Variants in CACNG7 observed in about 807,000 individuals in gnomAD.
The protein encoded by CACNG7 is voltage-dependent calcium channel gamma-7 subunit.
CACNG7 carries 9 observed loss-of-function variants against 26.3 expected under a neutral mutation model. The observed-to-expected ratio is 0.34, with a 90% CI of 0.21 to 0.60. The LOEUF (loss-of-function observed/expected upper bound fraction) is 0.60, where lower values mean the gene tolerates loss of function less well. CACNG7 is among the 20% of genes least tolerant of loss of function. CACNG7 has a pLI of 0.81. For missense variants in CACNG7, 297 were observed against 380.4 expected (o/e 0.78, Z 1.82); for synonymous variants, 170 against 157.0 (o/e 1.08, Z -0.62).
chr19:53,923,825 TCTGGTCATTGGTGGAGTTGCCC>T lies in CACNG7; in HGVS notation c.424+8322_424+8343del, dbSNP rs2068992196. Reference sequence around the variant, plus strand: ...TGGTCATTGGTGGAGTTGCCCCAGGTCTGGTCATTGGTGGAGTTGCCCCAGGCCTGGTCATTGGTGGAGTTGC... The same window carrying T: ...TGGTCATTGGTGGAGTTGCCCCAGGTCAGGCCTGGTCATTGGTGGAGTTGC... On this transcript the variant is annotated intron_variant, in intron 4 of 5. Coordinates refer to ENST00000391767, the MANE Select transcript of CACNG7 (RefSeq NM_031896.5). Among the ~76,000 whole-genome samples the T allele has an allele frequency of 1.7e-4, 8 of 45,764 alleles. No homozygotes were observed. In the African/African-American group the frequency reaches 1.8e-3, roughly 10 times the overall value. The allele number at this position is 45,764 out of a possible 152,430, so 30.0% of individuals were successfully genotyped here.
At position 53,942,510 on chromosome 19, in the gene CACNG7, T is replaced by C. The variant is rs1600006716; in HGVS notation, c.*217T>C. On this transcript the variant is annotated 3_prime_UTR_variant, in exon 6 of 6. Transcript: ENST00000391767. This position sits in a 1 kb window ranked among gnomAD's most constrained non-coding sequence, Gnocchi z 5.9. ...TTTCCCGACCTCTCCTTTTCATTGG[T>C]CCCTCTCACTCCCAAATGACTCCTC... is the stretch of plus-strand genomic sequence containing the variant. 3.5e-6 allele frequency: 5 copies of C among 1,412,444 alleles called. No homozygotes were observed. The highest frequency in any genetic ancestry group is 4.6e-6 in the Non-Finnish European group (5 of 1,087,258). The allele number at this position is 1,412,444 out of a possible 1,614,324, so 87.5% of individuals were successfully genotyped here. A position where few individuals can be genotyped will look rare whatever the true frequency, so the allele number is the denominator to read the frequency against.
At chr19:53,924,760 G>GC (rs1169338837) in intron 4 of CACNG7, among the ~76,000 whole-genome samples, 6 of 147,114 alleles carry the variant, frequency 4.1e-5, no homozygotes, top group South Asian at 2.2e-4. Flanking sequence ...TGGTGGACTT[G>GC]CCTAGGGCTG....
chr19:53,915,480 C>A lies in CACNG7; in HGVS notation c.399C>A (p.Val133=), dbSNP rs758875080. ...IRPQRTILAF[V]SGIFFILSGL... ...CGCAGAGGACCATTCTGGCTTTTGT[C>A]TCTGGCATCTTCTTCATACTATCGG... The change falls in exon 4 of 6, where the codon GTC becomes GTA. Residue 133 remains valine (V), a synonymous_variant. Transcript: ENST00000391767. The A allele has an allele frequency of 2.5e-6, 4 of 1,614,150 alleles. No homozygotes were observed. In the South Asian group the frequency reaches 4.4e-5, roughly 18 times the overall value.
intron 4 of CACNG7, among the ~76,000 whole-genome samples, chr19:53,938,207 G>T (rs1466455204): frequency 2.0e-5 from 3 of 152,078 alleles, no homozygotes; most frequent in Non-Finnish European, 2.9e-5. Flanking sequence ...AGTTAGCCCC[G>T]CATGGTGGTG....
chr19:53,917,285 A>G (rs547779382), intron 4 of CACNG7, among the ~76,000 whole-genome samples: 1 of 152,284 alleles, frequency 6.6e-6, no homozygotes, highest in African/African-American at 2.4e-5. Context: ...ATTCAACATA[A>G]TTTAATTAAA....
rs116545595 is a variant in CACNG7, at chr19:53,926,905, T to C, written c.424+11400T>C. ...TCTAGCTTGGTCGACAGAACAAGAC[T>C]CTGTCTCAGAAAAAAGAAGAGTGAG... On this transcript the variant is annotated intron_variant, in intron 4 of 5. Coordinates refer to ENST00000391767, the MANE Select transcript of CACNG7 (RefSeq NM_031896.5). 2.7e-3 allele frequency among the ~76,000 whole-genome samples: 415 copies of C among 152,226 alleles called. 2 individuals are homozygous for C. Among genetic ancestry groups the C allele is most frequent in the African/African-American group, 9.4e-3 (389 of 41,554 alleles).
At chr19:53,910,709 T>C (rs1309746193) in intron 1 of CACNG7, among the ~76,000 whole-genome samples, 1 of 151,986 alleles carries the variant, frequency 6.6e-6, no homozygotes, top group East Asian at 1.9e-4. Flanking sequence ...GAATTTCAAG[T>C]CCTTGAGATC....
intron 4 of CACNG7, among the ~76,000 whole-genome samples, chr19:53,937,006 C>T (rs1236669362): frequency 1.3e-5 from 2 of 152,082 alleles, no homozygotes; most frequent in South Asian, 4.1e-4. Flanking sequence ...CTCCTAGGCT[C>T]GAGGGATCCT....
intron 1 of CACNG7, among the ~76,000 whole-genome samples, chr19:53,911,211 G>A (rs3852894): frequency 0.23 from 35,008 of 151,598 alleles, 10,063 homozygotes; most frequent in African/African-American, 0.68. Context: ...GATTATAGGT[G>A]TGAGCCACCG....
At position 53,940,049 on chromosome 19, in the gene CACNG7, G is replaced by A. The variant is rs2069128040; in HGVS notation, c.425-1421G>A. On this transcript the variant is annotated intron_variant, in intron 4 of 5. Coordinates refer to ENST00000391767, the MANE Select transcript of CACNG7 (RefSeq NM_031896.5). The surrounding 1 kb of genome is among the most constrained non-coding windows in gnomAD (Gnocchi z 4.1). ...GGAATTTGGGCTTATTCTGTGTGTGGCACACAGAATGTAGGATTCTAGGGG... is the reference window on the plus strand; with the variant it reads ...GGAATTTGGGCTTATTCTGTGTGTGACACACAGAATGTAGGATTCTAGGGG... Among the ~76,000 whole-genome samples the A allele has an allele frequency of 6.6e-6, 1 of 152,242 alleles. No individual in the cohort carries two copies. Among genetic ancestry groups the A allele is most frequent in the East Asian group, 1.9e-4 (1 of 5,178 alleles).
At chr19:53,921,538 TC>T (rs1423559158) in intron 4 of CACNG7, among the ~76,000 whole-genome samples, 88 of 130,202 alleles carry the variant, frequency 6.8e-4, no homozygotes, top group African/African-American at 2.1e-3. Context: ...CCAGGTCTGG[TC>T]ATTGGTGGAG....
In CACNG7 at chr19:53,915,438, C is replaced by T; in HGVS notation, c.357C>T (p.Asn119=). The stretch of plus-strand genomic sequence containing the variant: ...TGTTCACGGCCTTCGTCATCAGCAA[C>T]ATCGGCCACATCCGCCCGCAGAGGA... ...FLVFTAFVIS[N]IGHIRPQRTI... Residue 119 remains asparagine, a synonymous_variant, in exon 4 of 6, where the codon AAC becomes AAT. Transcript: ENST00000391767. 1.2e-6 allele frequency: 2 copies of T among 1,614,138 alleles called. No homozygotes were observed. The highest frequency in any genetic ancestry group is 1.1e-5 in the South Asian group (1 of 91,082).
intron 4 of CACNG7, among the ~76,000 whole-genome samples, chr19:53,930,256 TG>T (rs2069062587): frequency 6.6e-6 from 1 of 151,706 alleles, no homozygotes. Context: ...TCACCCAGGC[TG>T]GAGTGCAATG....
intron 4 of CACNG7, among the ~76,000 whole-genome samples, chr19:53,920,771 T>C (rs1174435101): frequency 6.8e-5 from 6 of 88,244 alleles, no homozygotes; most frequent in East Asian, 3.0e-4. Context: ...TGGTCATTGG[T>C]GGAGTTGCCC....
intron 2 of CACNG7, among the ~76,000 whole-genome samples, chr19:53,914,273 C>CAAAAAAAAAAAAAAAAAAAAAAAA (rs376053657): frequency 9.3e-6 from 1 of 107,288 alleles, no homozygotes; most frequent in African/African-American, 4.5e-5. Context: ...GACTCCATCT[C>CAAAAAAAAAAAAAAAAAAAAAAAA]AAAAAAAAAA....
intron 4 of CACNG7, among the ~76,000 whole-genome samples, chr19:53,924,330 G>A (rs888938537): frequency 6.8e-6 from 1 of 146,042 alleles, no homozygotes; most frequent in African/African-American, 2.6e-5. Flanking sequence ...GTCATTGGTG[G>A]ACTTGCCGCA....
At chr19:53,921,253 A>C (rs1478578731) in intron 4 of CACNG7, among the ~76,000 whole-genome samples, 1 of 107,520 alleles carries the variant, frequency 9.3e-6, no homozygotes, top group East Asian at 3.0e-4. Flanking sequence ...TCATTGGTGG[A>C]GTTGCCCCAG....
chr19:53,933,221 C>T (rs1044529883), intron 4 of CACNG7, among the ~76,000 whole-genome samples: 1 of 151,906 alleles, frequency 6.6e-6, no homozygotes, highest in African/African-American at 2.4e-5. Flanking sequence ...ACCTCCACCT[C>T]CTGGGTTCAA....
intron 4 of CACNG7, among the ~76,000 whole-genome samples, chr19:53,921,551 T>C (rs1420601486): frequency 8.6e-4 from 113 of 131,204 alleles, no homozygotes; most frequent in African/African-American, 3.9e-3. Flanking sequence ...TTGGTGGAGT[T>C]GCCCCAGGCT....
Sources: gnomAD v4.1 joint callset for allele counts (sites outside exome capture counted in the v4.1 genomes callset) on GRCh38, gnomAD v4.1.1 for gene constraint, Gnocchi (gnomAD v3.1) non-coding constraint, MANE v1.5 for transcripts, NCBI Gene and HGNC (gene_info 2026-07-23, HGNC 2026-07-21) for gene names.